LRRFIP1: variants seen among roughly 807,000 people sequenced by gnomAD.
LRRFIP1 encodes the protein leucine-rich repeat flightless-interacting protein 1.
Under a neutral mutation model 104.4 loss-of-function variants are expected in LRRFIP1, and 62 were observed. The ratio of observed to expected loss-of-function variants is 0.59; its 90% CI spans 0.48 to 0.73. The LOEUF is 0.73. Ranked by LOEUF, LRRFIP1 falls within the 30% of genes least tolerant of loss-of-function variation. The pLI is 0.00. For synonymous variants in LRRFIP1, 300 were observed against 299.0 expected, an observed-to-expected ratio of 1.00 and a Z score of -0.03; for missense variants, 796 against 824.5, an observed-to-expected ratio of 0.97 and a Z score of 0.42.
chr2:237,769,452 T>C (rs1259157497), intron 19 of LRRFIP1: 1 of 155,704 alleles, frequency 6.4e-6, no homozygotes, highest in Non-Finnish European at 1.4e-5. Context: ...GTTAGTGGAC[T>C]TAGGGTTGTA....
chr2:237,774,129 G>T, intron 22 of LRRFIP1: 1 of 499,622 alleles, frequency 2.0e-6, no homozygotes. Flanking sequence ...CTGGTGGACG[G>T]GGTCAGAGGA....
chr2:237,701,664 G>A (rs1559592280), intron 1 of LRRFIP1, among the ~76,000 whole-genome samples: 1 of 151,598 alleles, frequency 6.6e-6, no homozygotes, highest in Non-Finnish European at 1.5e-5. Flanking sequence ...CCCATGGGGA[G>A]CCCTGGAAGA....
In LRRFIP1 at chr2:237,735,465, C is replaced by A; in HGVS notation, c.555+132C>A. On this transcript the variant is annotated intron_variant, in intron 10 of 23. Coordinates refer to ENST00000308482, the MANE Select transcript of LRRFIP1 (RefSeq NM_001137550.2). This position sits in a 1 kb window ranked among gnomAD's most constrained non-coding sequence, Gnocchi z 4.6. ...GGAAGCGCCGAGTCACCGGGCTAAC[C>A]GCCACCTTCCATTGTAATGAAGGTC... is the stretch of plus-strand genomic sequence containing the variant. 2.7e-6 allele frequency: 2 copies of A among 731,910 alleles called. No individual in the cohort carries two copies. The highest frequency in any genetic ancestry group is 4.3e-6 in the Non-Finnish European group (2 of 461,426). The allele number at this position is 731,910 out of a possible 1,614,324, so 45.3% of individuals were successfully genotyped here. A position where few individuals can be genotyped will look rare whatever the true frequency, so the allele number is the denominator to read the frequency against.
rs190201572 is a variant in LRRFIP1, at chr2:237,779,033, C to T, written c.1813-389C>T. On this transcript the variant is annotated intron_variant, in intron 23 of 23. Coordinates refer to ENST00000308482, the MANE Select transcript of LRRFIP1 (RefSeq NM_001137550.2). ...GGTCAGGAGATCGAGACCATCCTGG[C>T]CAACATGGCAAAACCCCGTCTCTAC... Among the ~76,000 whole-genome samples, 194 of 152,254 alleles carry T rather than the reference C, an allele frequency of 1.3e-3. 1 individual carries two copies. The highest frequency in any genetic ancestry group is 3.4e-3 in the Middle Eastern group (1 of 292).
rs749563532 is a variant in LRRFIP1 at position 237,661,849 on chromosome 2, C to T, written c.96+34109C>T. On this transcript the variant is annotated intron_variant, in intron 1 of 23. Transcript: ENST00000308482. The surrounding 1 kb of genome is among the most constrained non-coding windows in gnomAD (Gnocchi z 4.4). ...GCATAGGCTCTCCTGACCCAGGTAC[C>T]TATCAGCCCCCAAAATAGGTGTTGC... Among the ~76,000 whole-genome samples the T allele has an allele frequency of 2.6e-5, 4 of 152,212 alleles. No individual in the cohort carries two copies. Among genetic ancestry groups the T allele is most frequent in the Non-Finnish European group, 4.4e-5 (3 of 68,038 alleles).
At chr2:237,751,058 A>G (rs1305374837) in intron 13 of LRRFIP1, 142 bp from the exon 14 acceptor site, 2 of 586,802 alleles carry the variant, frequency 3.4e-6, no homozygotes, top group Non-Finnish European at 3.0e-6. Flanking sequence ...ATTGAAGTTT[A>G]TTTTCCCTTA....
Position 237,739,319 on chromosome 2 carries a change from C to T in LRRFIP1, c.633+10C>T, listed in dbSNP as rs1223159890. On this transcript the variant is annotated intron_variant, in intron 11 of 23. Coordinates refer to ENST00000308482, the MANE Select transcript of LRRFIP1 (RefSeq NM_001137550.2). ...CCGGGCCAGCCCTGTGGTAAGTCGG[C>T]CTCCTGGCCTTGCTCCTACTCAGTG... 3 of 1,550,352 alleles carry T rather than the reference C, an allele frequency of 1.9e-6. No individual in the cohort carries two copies. The highest frequency in any genetic ancestry group is 2.6e-6 in the Non-Finnish European group (3 of 1,148,880).
chr2:237,722,769 C>T (rs1284738921), intron 6 of LRRFIP1, among the ~76,000 whole-genome samples: 1 of 152,086 alleles, frequency 6.6e-6, no homozygotes, highest in Non-Finnish European at 1.5e-5. Context: ...GGTGAAGAGG[C>T]CTGCGTGGGG....
intron 9 of LRRFIP1, among the ~76,000 whole-genome samples, chr2:237,734,193 C>T (rs921053008): frequency 6.6e-6 from 1 of 150,864 alleles, no homozygotes; most frequent in Non-Finnish European, 1.5e-5. Flanking sequence ...TGGAAATTTC[C>T]AGTTTTAAAT....
rs564608464 is a variant in LRRFIP1 at position 237,711,582 on chromosome 2, G to T, written c.184-2677G>T. Among the ~76,000 whole-genome samples the T allele has an allele frequency of 4.6e-5, 7 of 152,364 alleles. No homozygotes were observed. The East Asian group carries it at 1.4e-3, about 29-fold the overall frequency. On this transcript the variant is annotated intron_variant, in intron 2 of 23. Coordinates refer to ENST00000308482, the MANE Select transcript of LRRFIP1 (RefSeq NM_001137550.2). This position sits in a 1 kb window ranked among gnomAD's most constrained non-coding sequence, Gnocchi z 4.4. ...TGCCTGCACTTCTTCCCTCACGACC[G>T]TGGCTTGCGGCTGTGACACAGGGCG...
chr2:237,758,929 T>G (rs2059580895), intron 18 of LRRFIP1, 108 bp downstream of exon 18: 4 of 663,644 alleles, frequency 6.0e-6, no homozygotes, highest in Non-Finnish European at 1.0e-5. Context: ...TCATTTTATG[T>G]CATTTAGTTC....
rs1447480802 is a variant in LRRFIP1, at chr2:237,780,938, C to G, written c.*1406C>G. Among the ~76,000 whole-genome samples the G allele has an allele frequency of 6.6e-6, 1 of 151,930 alleles. No individual in the cohort carries two copies. Among genetic ancestry groups the G allele is most frequent in the Non-Finnish European group, 1.5e-5 (1 of 68,022 alleles). ...CAAGTTATAGGGGGCTGGGGGCCAA[C>G]ACTGGCAAGTAGGAAACCACGGGTC... On this transcript the variant is annotated 3_prime_UTR_variant, in exon 24 of 24. Coordinates refer to ENST00000308482, the MANE Select transcript of LRRFIP1 (RefSeq NM_001137550.2).
intron 8 of LRRFIP1, among the ~76,000 whole-genome samples, chr2:237,732,596 T>C (rs1447726082): frequency 6.6e-6 from 1 of 152,230 alleles, no homozygotes; most frequent in Non-Finnish European, 1.5e-5. Context: ...AGAAAAACCA[T>C]GTCAAATAAG....
In LRRFIP1 at chr2:237,714,265, C is replaced by T; in HGVS notation, c.190C>T (p.Gln64Ter). 6.3e-7 allele frequency: 1 copy of T among 1,598,938 alleles called. No individual in the cohort carries two copies. The highest frequency in any genetic ancestry group is 1.1e-5 in the South Asian group (1 of 89,636). Residue 64 changes from glutamine (Q) to a stop codon, truncating the protein, a stop_gained, in exon 3 of 24, where the codon CAG (glutamine) becomes TAG (stop). Transcript: ENST00000308482. LOFTEE classifies it high-confidence loss of function. The part of the protein sequence containing the change: ...ELERQQKEIY[Q>*]VQKKYYGLDT... ...CTTCTGTCCTTCTCTATAGATCTAT[C>T]AGGTCCAAAAGGTAGGCTCTTCTTT...
chr2:237,668,271 G>C (rs1222279155), intron 1 of LRRFIP1, among the ~76,000 whole-genome samples: 1 of 152,004 alleles, frequency 6.6e-6, no homozygotes, highest in Non-Finnish European at 1.5e-5. Context: ...TCTTCATCTT[G>C]GTGTCCTAGT....
At chr2:237,720,601 C>G (rs564156427) in intron 5 of LRRFIP1, among the ~76,000 whole-genome samples, 171 bp from the exon 6 acceptor site, 67 of 152,290 alleles carry the variant, frequency 4.4e-4, no homozygotes, top group African/African-American at 1.5e-3. Flanking sequence ...TCCACAAAGC[C>G]CATGCTGTGG....
Position 237,733,203 on chromosome 2 carries a change from C to CT in LRRFIP1, c.445-571_445-570insT, listed in dbSNP as rs552083426. Among the ~76,000 whole-genome samples the CT allele has an allele frequency of 2.4e-4, 36 of 152,328 alleles. 1 individual carries two copies. The South Asian group carries it at 7.0e-3, about 30-fold the overall frequency. ...CTTCACCAGCACTGCCTCCCCCTGA[C>CT]GTGTGTGCTAGGCAGGATTCTCCTT... On this transcript the variant is annotated intron_variant, in intron 8 of 23. Coordinates refer to ENST00000308482, the MANE Select transcript of LRRFIP1 (RefSeq NM_001137550.2).
rs74001289 is a variant in LRRFIP1, at chr2:237,758,143, G to A, written c.1225-586G>A. Among the ~76,000 whole-genome samples, 818 of 151,532 alleles carry A rather than the reference G, an allele frequency of 5.4e-3. 6 individuals are homozygous for A. The highest frequency in any genetic ancestry group is 0.018 in the African/African-American group (751 of 41,248). Reference sequence around the variant, plus strand: ...TCCTACACATAGCTCTAATAAAGACGTCGAGATACCTGCACAAACCATCGG... The same window carrying A: ...TCCTACACATAGCTCTAATAAAGACATCGAGATACCTGCACAAACCATCGG... On this transcript the variant is annotated intron_variant, in intron 17 of 23. Transcript: ENST00000308482.
chr2:237,733,821 G>T lies in LRRFIP1; in HGVS notation c.489+3G>T. ...CCCGGCCTTCGGGGAGTTACCGGGT[G>T]CGTGTGCTGCCCACCCTGCTGCCCC... On this transcript the variant is annotated splice_donor_region_variant and intron_variant, in intron 9 of 23. Coordinates refer to ENST00000308482, the MANE Select transcript of LRRFIP1 (RefSeq NM_001137550.2). 6.2e-7 allele frequency: 1 copy of T among 1,613,994 alleles called. No homozygotes were observed. Among genetic ancestry groups the T allele is most frequent in the Non-Finnish European group, 8.5e-7 (1 of 1,179,864 alleles).
Sources: gnomAD v4.1 joint callset for allele counts (sites outside exome capture counted in the v4.1 genomes callset) on GRCh38, gnomAD v4.1.1 for gene constraint, Gnocchi (gnomAD v3.1) non-coding constraint, MANE v1.5 for transcripts, NCBI Gene and HGNC (gene_info 2026-07-23, HGNC 2026-07-21) for gene names.